The following AATK variants were observed in gnomAD, a reference collection of about 807,000 sequenced individuals.
AATK encodes lemur tail kinase 1.
Under a neutral mutation model 114.3 loss-of-function variants are expected in AATK, and 91 were observed. The ratio of observed to expected loss-of-function variants is 0.80; its 90% CI spans 0.67 to 0.95. The LOEUF (loss-of-function observed/expected upper bound fraction) is 0.95, where lower values mean the gene tolerates loss of function less well. AATK is among the 40% of genes least tolerant of loss of function. The probability of loss-of-function intolerance (pLI) is 0.00; values close to 1 mark genes in which losing one functional copy is unlikely to be tolerated. For missense variants in AATK, 2,176 were observed against 1,965.2 expected (o/e 1.11, Z -2.03); for synonymous variants, 1,075 against 916.5 (o/e 1.17, Z -3.12).
In AATK at chr17:81,144,394, G is replaced by A. The variant is rs74420626; in HGVS notation, c.56-9893C>T. Among the ~76,000 whole-genome samples the A allele has an allele frequency of 6.7e-3, 1,025 of 152,342 alleles. 15 individuals carry two copies. The highest frequency in any genetic ancestry group is 0.023 in the African/African-American group (949 of 41,562). ...GGGTGTTCACACCTGGGGCAAGGTA[G>A]CCAGGACCCTGGGGAGAGGGTGGCC... On this transcript the variant is annotated intron_variant, in intron 1 of 13. Transcript: ENST00000326724.
At chr17:81,165,348 A>G (rs2061473547) in intron 1 of AATK, among the ~76,000 whole-genome samples, 1 of 152,172 alleles carries the variant, frequency 6.6e-6, no homozygotes, top group Non-Finnish European at 1.5e-5. Flanking sequence ...CCCTGCAGCC[A>G]GCTTGACAGC....
At chr17:81,144,558 G>A (rs991240964) in intron 1 of AATK, among the ~76,000 whole-genome samples, 5 of 152,258 alleles carry the variant, frequency 3.3e-5, no homozygotes, top group Non-Finnish European at 5.9e-5. Context: ...AGCCCACAGG[G>A]CTCCCTTGAG....
intron 1 of AATK, among the ~76,000 whole-genome samples, chr17:81,135,129 A>G (rs2060990491): frequency 6.6e-6 from 1 of 152,178 alleles, no homozygotes; most frequent in Non-Finnish European, 1.5e-5. Context: ...CCTGGGAACC[A>G]TGGGGAAACC....
At chr17:81,119,879 G>A in intron 12 of AATK, 57 bp downstream of exon 12, 2 of 1,398,244 alleles carry the variant, frequency 1.4e-6, no homozygotes, top group South Asian at 1.6e-5. Flanking sequence ...CTCCCACACA[G>A]CACGGACCAG....
intron 1 of AATK, among the ~76,000 whole-genome samples, chr17:81,150,272 CA>C (rs1396581064): frequency 6.6e-6 from 1 of 151,938 alleles, no homozygotes; most frequent in Non-Finnish European, 1.5e-5. Context: ...AATTATACCT[CA>C]ATACATTTTT....
chr17:81,126,419 GC>G lies in AATK; in HGVS notation c.755+7del, dbSNP rs1202502968. On this transcript the variant is annotated splice_region_variant and intron_variant, in intron 7 of 13. Transcript: ENST00000326724. The surrounding 1 kb of genome is among the most constrained non-coding windows in gnomAD (Gnocchi z 5.1). The stretch of plus-strand genomic sequence containing the variant: ...GCTTCCCGGCCGCTGGCCCGCGCCC[GC>G]CCTCACCTGTGCACGAAATTGTTGC... 6.4e-7 allele frequency: 1 copy of G among 1,557,318 alleles called. No individual in the cohort carries two copies. The highest frequency in any genetic ancestry group is 8.7e-7 in the Non-Finnish European group (1 of 1,150,854).
rs764396410 is a variant in AATK, at chr17:81,119,402, G to A, written c.4062C>T (p.Asp1354=). The A allele has an allele frequency of 2.2e-5, 34 of 1,557,538 alleles. No homozygotes were observed. Among genetic ancestry groups the A allele is most frequent in the Non-Finnish European group, 2.5e-5 (29 of 1,158,976 alleles). ...CACCTCTCTTGGACTCGGCGTCCGA[G>A]TCAGACACGTGCGTGATGGAGAAGC... The part of the protein sequence containing the change: ...TSRFSITHVS[D]SDAESKRGPE... The change falls in exon 13 of 14, where the codon GAC becomes GAT. Residue 1354 remains aspartate (D), a synonymous_variant. Coordinates refer to ENST00000326724, the MANE Select transcript of AATK (RefSeq NM_001080395.3).
intron 1 of AATK, among the ~76,000 whole-genome samples, chr17:81,163,960 C>A (rs1567831908): frequency 6.6e-6 from 1 of 152,220 alleles, no homozygotes; most frequent in African/African-American, 2.4e-5. Flanking sequence ...TGGGCCCCTC[C>A]CCTCTGGGTG....
In AATK at chr17:81,120,364, G is replaced by A. The variant is rs372185250; in HGVS notation, c.3572C>T (p.Ala1191Val). ...QEPSEDSEEE[A>V]PAVPVVVAES... ...AGCCACCACCACGGGCACCGCCGGC[G>A]CCTCCTCTTCGCTGTCCTCGCTAGG... The change falls in exon 11 of 14, where the codon GCG becomes GTG. Residue 1191 changes from alanine to valine, a missense_variant. Physicochemically the swap from Ala to Val is moderately conservative, Grantham distance 64. This residue lies in a region of AATK where 1,701 missense variants were observed against 1,394.7 expected (regional missense o/e 1.22). Coordinates refer to ENST00000326724, the MANE Select transcript of AATK (RefSeq NM_001080395.3). The A allele has an allele frequency of 3.0e-5, 49 of 1,609,436 alleles. No individual in the cohort carries two copies. Among genetic ancestry groups the A allele is most frequent in the African/African-American group, 6.7e-5 (5 of 74,904 alleles).
Position 81,122,693 on chromosome 17 carries a change from G to T in AATK, c.1243C>A (p.Arg415Ser), listed in dbSNP as rs865977066. The change falls in exon 11 of 14, where the codon CGC (arginine) becomes AGC (serine). Residue 415 changes from arginine to serine, a missense_variant. By Grantham distance (110) the Arg-to-Ser change is moderately radical. This residue lies in a region of AATK where 1,701 missense variants were observed against 1,394.7 expected (regional missense o/e 1.22). Coordinates refer to ENST00000326724, the MANE Select transcript of AATK (RefSeq NM_001080395.3). The stretch of plus-strand genomic sequence containing the variant: ...CCGCCCCCGCCGGGCCGCAGAGAGC[G>T]CCAGCGCCGTTCAAACTCCTCCTCT... ...EAEEEFERRW[R>S]SLRPGGGGVG... 1.3e-6 allele frequency: 2 copies of T among 1,555,700 alleles called. No homozygotes were observed. Among genetic ancestry groups the T allele is most frequent in the Middle Eastern group, 3.4e-4 (2 of 5,930 alleles).
chr17:81,138,218 C>T (rs2061051301), intron 1 of AATK, among the ~76,000 whole-genome samples: 1 of 151,188 alleles, frequency 6.6e-6, no homozygotes, highest in Non-Finnish European at 1.5e-5. Flanking sequence ...CACATGCACA[C>T]ATATCCACCC....
At chr17:81,165,868 G>C in intron 1 of AATK, 70 bp downstream of exon 1, 16 of 1,535,918 alleles carry the variant, frequency 1.0e-5, no homozygotes, top group Non-Finnish European at 1.4e-5. Context: ...CGGGAGCCGT[G>C]GGGCCCAGGG....
rs1200160481 is a variant in AATK, at chr17:81,127,846, G to C, written c.479C>G (p.Ala160Gly). Reference sequence around the variant, plus strand: ...CATCTGCTCCTGCACGCTGGCACTAGCCTGCAGCTCCTTCACCACCACCTG... The same window carrying C: ...CATCTGCTCCTGCACGCTGGCACTACCCTGCAGCTCCTTCACCACCACCTG... ...SAQVVVKELQ[A>G]SASVQEQMQF... Residue 160 changes from alanine (A) to glycine (G), a missense_variant, in exon 5 of 14, where the codon GCT becomes GGT. Around this residue, in one of 4 missense-constraint regions of AATK, gnomAD observed 24 missense variants for 50.9 expected, o/e 0.47. Coordinates refer to ENST00000326724, the MANE Select transcript of AATK (RefSeq NM_001080395.3). 6.5e-7 allele frequency: 1 copy of C among 1,547,120 alleles called. No individual in the cohort carries two copies. Among genetic ancestry groups the C allele is most frequent in the Non-Finnish European group, 8.7e-7 (1 of 1,144,980 alleles).
chr17:81,119,648 GTCACGGGCCCAGGCCCCGC>G, intron 12 of AATK, 68 bp from the exon 13 acceptor site: 1 of 557,888 alleles, frequency 1.8e-6, no homozygotes, highest in South Asian at 3.2e-5. Flanking sequence ...CGCTCCCACA[GTCACGGGCCCAGGCCCCGC>G]CTCCCATCAT....
At chr17:81,123,989 C>T (rs2060745827) in intron 9 of AATK, among the ~76,000 whole-genome samples, 1 of 152,154 alleles carries the variant, frequency 6.6e-6, no homozygotes. Flanking sequence ...AGCCAGCGTG[C>T]AGTGGGTGGG....
intron 3 of AATK, among the ~76,000 whole-genome samples, chr17:81,130,715 C>G (rs1036469713): frequency 6.6e-6 from 1 of 152,126 alleles, no homozygotes; most frequent in African/African-American, 2.4e-5. Context: ...GAGCCCGCAC[C>G]CCTGCCCCAG....
At chr17:81,157,447 C>T (rs2061380620) in intron 1 of AATK, among the ~76,000 whole-genome samples, 1 of 152,218 alleles carries the variant, frequency 6.6e-6, no homozygotes, top group African/African-American at 2.4e-5. Flanking sequence ...GGCCCTCCCC[C>T]AGTGCTAGGA....
chr17:81,124,289 C>T lies in AATK; in HGVS notation c.962+438G>A, dbSNP rs1598911607. On this transcript the variant is annotated intron_variant, in intron 9 of 13. Coordinates refer to ENST00000326724, the MANE Select transcript of AATK (RefSeq NM_001080395.3). ...TCTACACCAGGTGTGAATGAACGCT[C>T]CGGGCTAGGCACTCAGGATAGGGGC... Among the ~76,000 whole-genome samples, 4 of 152,306 alleles carry T rather than the reference C, an allele frequency of 2.6e-5. No homozygotes were observed. The South Asian group carries it at 8.3e-4, about 32-fold the overall frequency.
rs2060981149 is a variant in AATK at position 81,134,469 on chromosome 17, A to C, written c.88T>G (p.Ser30Ala). The C allele has an allele frequency of 6.2e-7, 1 of 1,613,072 alleles. No homozygotes were observed. Among genetic ancestry groups the C allele is most frequent in the African/African-American group, 1.3e-5 (1 of 75,074 alleles). The part of the protein sequence containing the change: ...GAPLSELSWP[S>A]SLAVVAVSFS... ...GACACAGCCACCACGGCGAGGGAGGATGGCCAGGACAGCTCGCTGAGCGGG... is the reference window on the plus strand; with the variant it reads ...GACACAGCCACCACGGCGAGGGAGGCTGGCCAGGACAGCTCGCTGAGCGGG... The change falls in exon 2 of 14, where the codon TCC becomes GCC. Residue 30 changes from serine to alanine, a missense_variant. Around this residue, in one of 4 missense-constraint regions of AATK, gnomAD observed 178 missense variants for 175.4 expected, o/e 1.01. Transcript: ENST00000326724.
Sources: allele counts gnomAD v4.1 joint callset (sites outside exome capture counted in the v4.1 genomes callset), GRCh38; gene constraint gnomAD v4.1.1; regional missense constraint gnomAD v4.1.1; non-coding constraint Gnocchi (gnomAD v3.1); transcripts MANE v1.5; gene names NCBI Gene and HGNC (gene_info 2026-07-23, HGNC 2026-07-21).